The following TMTC4 variants were observed in gnomAD, a reference collection of about 807,000 sequenced individuals.
TMTC4 encodes the protein protein O-mannosyl-transferase TMTC4.
Under a neutral mutation model 86.0 loss-of-function variants are expected in TMTC4, and 65 were observed. The ratio of observed to expected loss-of-function variants is 0.76; its 90% CI spans 0.62 to 0.93. TMTC4 has a LOEUF of 0.93. TMTC4 is among the 40% of genes least tolerant of loss of function. The pLI is 0.00. For missense variants in TMTC4, 866 were observed against 948.1 expected (o/e 0.91, Z 1.14); for synonymous variants, 379 against 382.5 (o/e 0.99, Z 0.11).
intron 6 of TMTC4, among the ~76,000 whole-genome samples, chr13:100,645,629 C>G (rs1251716289): frequency 6.6e-6 from 1 of 152,028 alleles, no homozygotes; most frequent in East Asian, 1.9e-4. Context: ...CGCTCCAAGT[C>G]CCTGACTGCC....
chr13:100,609,780 G>GTCT (rs1877278310), intron 17 of TMTC4, among the ~76,000 whole-genome samples: 1 of 151,876 alleles, frequency 6.6e-6, no homozygotes. Context: ...GTATCACCTT[G>GTCT]TCAAGAGGGT....
At chr13:100,630,027 A>ATGTGTGTGTGTG (rs71121125) in intron 12 of TMTC4, among the ~76,000 whole-genome samples, 124 of 46,104 alleles carry the variant, frequency 2.7e-3, no homozygotes, top group Non-Finnish European at 5.5e-3. Context: ...ATCTGTGTGT[A>ATGTGTGTGTGTG]TGTGTGTGTG....
chr13:100,637,462 G>A (rs1232340917), intron 9 of TMTC4, 76 bp downstream of exon 9: 21 of 1,528,160 alleles, frequency 1.4e-5, no homozygotes, highest in Admixed American at 1.9e-5. Context: ...GGAGTGAGAC[G>A]AGGAGGAGGG....
In TMTC4 at chr13:100,663,190, C is replaced by T; in HGVS notation, c.336-10G>A. 6.2e-7 allele frequency: 1 copy of T among 1,613,982 alleles called. No individual in the cohort carries two copies. The highest frequency in any genetic ancestry group is 2.2e-5 in the East Asian group (1 of 44,892). ...GAGGTAGTAGTTAATCCTGCAGAAA[C>T]ACAGGGTGTTCAGGGTACACGCGCA... is the stretch of plus-strand genomic sequence containing the variant. On this transcript the variant is annotated splice_polypyrimidine_tract_variant and intron_variant, in intron 4 of 18. Coordinates refer to ENST00000342624, the MANE Select transcript of TMTC4 (RefSeq NM_032813.5).
chr13:100,630,021 G>C (rs1566588373), intron 12 of TMTC4, among the ~76,000 whole-genome samples: 2 of 14,812 alleles, frequency 1.4e-4, no homozygotes, highest in African/African-American at 2.7e-4. Context: ...CACCCAATCT[G>C]TGTGTATGTG....
At chr13:100,642,174 C>G (rs9585476) in intron 7 of TMTC4, 37 bp downstream of exon 7, 514,487 of 1,606,936 alleles carry the variant, frequency 0.32, 86,049 homozygotes, top group East Asian at 0.6. Flanking sequence ...AAAGGACACA[C>G]AGAAAAAGCA....
chr13:100,642,610 T>A (rs899795596), intron 6 of TMTC4, among the ~76,000 whole-genome samples: 1 of 152,110 alleles, frequency 6.6e-6, no homozygotes, highest in African/African-American at 2.4e-5. Context: ...GGTACCTTCT[T>A]CCCAACCTAC....
chr13:100,637,944 C>G lies in TMTC4; in HGVS notation c.820G>C (p.Asp274His), dbSNP rs1882490499. ...TACAGACTCACCTCTAATGACTTGT[C>G]CTTATGTAGTACCTTCTGGACAATT... ...LEIVQKVLHK[D>H]KSLENLGMLR... is the part of the protein sequence containing the mutation. The change falls in exon 8 of 19, where the codon GAC becomes CAC. Residue 274 changes from aspartate (D) to histidine (H), a missense_variant. Physicochemically the swap from Asp to His is moderately conservative, Grantham distance 81. Transcript: ENST00000342624. The G allele has an allele frequency of 6.2e-7, 1 of 1,613,368 alleles. No homozygotes were observed. The highest frequency in any genetic ancestry group is 8.5e-7 in the Non-Finnish European group (1 of 1,179,674).
intron 6 of TMTC4, among the ~76,000 whole-genome samples, chr13:100,645,816 T>G (rs1285471197): frequency 6.6e-6 from 1 of 152,214 alleles, no homozygotes; most frequent in African/African-American, 2.4e-5. Context: ...ACTCATCACA[T>G]GTGGGCTACT....
chr13:100,674,961 C>G (rs1035059372), upstream of TMTC4: 5 of 985,496 alleles, frequency 5.1e-6, no homozygotes, highest in African/African-American at 8.7e-5. Flanking sequence ...GCTCCCGTCA[C>G]TTTCAGGCCA....
At chr13:100,626,379 A>G (rs1880549335) in intron 12 of TMTC4, among the ~76,000 whole-genome samples, 1 of 152,260 alleles carries the variant, frequency 6.6e-6, no homozygotes, top group Non-Finnish European at 1.5e-5. Context: ...TCTCTAAAGC[A>G]CAACAGAAGG....
chr13:100,668,405 A>G, intron 3 of TMTC4, 174 bp downstream of exon 3: 1 of 665,328 alleles, frequency 1.5e-6, no homozygotes, highest in Non-Finnish European at 2.5e-6. Flanking sequence ...CAGCAATAAG[A>G]AAGGCACTAA....
chr13:100,648,279 G>A (rs1883997964), intron 6 of TMTC4, among the ~76,000 whole-genome samples: 1 of 151,982 alleles, frequency 6.6e-6, no homozygotes, highest in Non-Finnish European at 1.5e-5. Flanking sequence ...AGTCCCAGGT[G>A]GGATGTGTTG....
At chr13:100,655,362 A>G (rs1401902962) in intron 6 of TMTC4, among the ~76,000 whole-genome samples, 1 of 152,222 alleles carries the variant, frequency 6.6e-6, no homozygotes, top group Non-Finnish European at 1.5e-5. Context: ...GAAAAATATG[A>G]TTTCTGATAA....
In TMTC4 at chr13:100,625,538, A is replaced by T. The variant is rs1169501247; in HGVS notation, c.1833T>A (p.Arg611=). The part of the protein sequence containing the change: ...KYPDCYYNLG[R]LYADLNRHVD... ...GCACAGGGCACCCCGCGCTTACCAG[A>T]CGCCCGAGGTTGTAGTAACAGTCTG... The change falls in exon 15 of 19, where the codon CGT becomes CGA. Residue 611 remains arginine, a synonymous_variant. Coordinates refer to ENST00000342624, the MANE Select transcript of TMTC4 (RefSeq NM_032813.5). The T allele has an allele frequency of 3.1e-6, 5 of 1,613,878 alleles. No individual in the cohort carries two copies. Among genetic ancestry groups the T allele is most frequent in the Non-Finnish European group, 3.4e-6 (4 of 1,180,046 alleles).
chr13:100,672,665 AT>A (rs1358448687), intron 1 of TMTC4, among the ~76,000 whole-genome samples: 1 of 151,974 alleles, frequency 6.6e-6, no homozygotes, highest in African/African-American at 2.4e-5. Flanking sequence ...TATTTTAAAT[AT>A]TTTTTTGTAG....
chr13:100,673,363 T>C, intron 1 of TMTC4: 3 of 985,348 alleles, frequency 3.0e-6, no homozygotes, highest in Non-Finnish European at 3.6e-6. Context: ...CAGAAGAATA[T>C]TCCCCTCCAT....
intron 6 of TMTC4, among the ~76,000 whole-genome samples, chr13:100,644,383 G>A (rs1883444678): frequency 6.6e-6 from 1 of 152,118 alleles, no homozygotes; most frequent in Non-Finnish European, 1.5e-5. Context: ...GATTACAGGC[G>A]TGAGTTATTG....
chr13:100,619,878 C>T lies in TMTC4; in HGVS notation c.1837-5448G>A, dbSNP rs75329745. Among the ~76,000 whole-genome samples, 618 of 152,332 alleles carry T rather than the reference C, an allele frequency of 4.1e-3. 13 individuals are homozygous for T. The highest frequency in any genetic ancestry group is 0.04 in the East Asian group (208 of 5,192). ...GTCACTTGGACAAAATCCATGGCAA[C>T]ATTTGAACACACCTAGAACAACCAA... is the stretch of plus-strand genomic sequence containing the variant. On this transcript the variant is annotated intron_variant, in intron 15 of 18. Coordinates refer to ENST00000342624, the MANE Select transcript of TMTC4 (RefSeq NM_032813.5).
Sources: allele counts gnomAD v4.1 joint callset (sites outside exome capture counted in the v4.1 genomes callset), GRCh38; gene constraint gnomAD v4.1.1; transcripts MANE v1.5; gene names NCBI Gene and HGNC (gene_info 2026-07-23, HGNC 2026-07-21).